Variants in FGF12 observed in about 807,000 individuals in gnomAD.
FGF12 encodes fibroblast growth factor 12B.
A neutral mutation model predicts 23.6 loss-of-function variants in FGF12; 14 were observed. The ratio of observed to expected loss-of-function variants is 0.59; its 90% CI spans 0.39 to 0.93. The LOEUF (loss-of-function observed/expected upper bound fraction) is 0.93. FGF12 is among the 40% of genes least tolerant of loss of function. The pLI is 0.00. For synonymous variants in FGF12, 62 were observed against 77.3 expected, an observed-to-expected ratio of 0.80 and a Z score of 1.04; for missense variants, 175 against 217.8, an observed-to-expected ratio of 0.80 and a Z score of 1.24.
At chr3:192,389,877 C>T (rs1029343447) in intron 2 of FGF12, among the ~76,000 whole-genome samples, 1 of 152,202 alleles carries the variant, frequency 6.6e-6, no homozygotes, top group South Asian at 2.1e-4. Flanking sequence ...AAAGAACTTC[C>T]TTTACTTAAC....
intron 2 of FGF12, among the ~76,000 whole-genome samples, chr3:192,488,165 C>T (rs1045186342): frequency 1.2e-4 from 18 of 152,030 alleles, no homozygotes; most frequent in Non-Finnish European, 1.5e-5. Context: ...TCTATAATAT[C>T]CCTCAGAATA....
chr3:192,724,510 C>T (rs1719147255), intron 2 of FGF12, among the ~76,000 whole-genome samples: 1 of 152,136 alleles, frequency 6.6e-6, no homozygotes, highest in African/African-American at 2.4e-5. Flanking sequence ...AACATTTTAA[C>T]TCATTTAAGA....
chr3:192,656,146 C>CA (rs899242619), intron 2 of FGF12, among the ~76,000 whole-genome samples: 2 of 151,536 alleles, frequency 1.3e-5, no homozygotes, highest in African/African-American at 4.9e-5. Context: ...TACAGCCATC[C>CA]AAAAAATCAG....
At chr3:192,262,475 G>A (rs112912615) in intron 4 of FGF12, among the ~76,000 whole-genome samples, 3 of 152,070 alleles carry the variant, frequency 2.0e-5, no homozygotes, top group South Asian at 2.1e-4. Context: ...GCCACATAAC[G>A]ATGTTTTGGT....
At chr3:192,467,214 C>T (rs1282808287) in intron 2 of FGF12, among the ~76,000 whole-genome samples, 1 of 152,088 alleles carries the variant, frequency 6.6e-6, no homozygotes, top group African/African-American at 2.4e-5. Flanking sequence ...AAATTAATTT[C>T]AACTGCATGG....
intron 2 of FGF12, among the ~76,000 whole-genome samples, chr3:192,406,518 G>T (rs1410837945): frequency 5.9e-5 from 9 of 151,982 alleles, no homozygotes; most frequent in Non-Finnish European, 7.4e-5. Flanking sequence ...TTTCCACTAG[G>T]TGAGTTACTT....
intron 2 of FGF12, among the ~76,000 whole-genome samples, chr3:192,456,117 T>C (rs1048735427): frequency 2.0e-5 from 3 of 152,192 alleles, no homozygotes; most frequent in African/African-American, 7.2e-5. Context: ...ATATGAGAGA[T>C]GATAAAAACA....
chr3:192,312,544 A>C (rs1035020393), intron 4 of FGF12, among the ~76,000 whole-genome samples: 11 of 152,140 alleles, frequency 7.2e-5, no homozygotes, highest in Non-Finnish European at 5.9e-5. Flanking sequence ...CATTTCAATA[A>C]GTAGTACATA....
chr3:192,314,525 G>C (rs551518052), intron 4 of FGF12, among the ~76,000 whole-genome samples: 125 of 152,128 alleles, frequency 8.2e-4, no homozygotes, highest in Non-Finnish European at 1.4e-3. Flanking sequence ...ATGCCAGGAA[G>C]AGAAGTCCAA....
chr3:192,553,935 A>C (rs974482712), intron 2 of FGF12, among the ~76,000 whole-genome samples: 2 of 152,080 alleles, frequency 1.3e-5, no homozygotes, highest in African/African-American at 4.8e-5. Context: ...AAAATTCTAT[A>C]CCCTTCCCCT....
intron 2 of FGF12, among the ~76,000 whole-genome samples, chr3:192,674,861 G>A (rs560105787): frequency 2.7e-4 from 41 of 152,242 alleles, no homozygotes; most frequent in Middle Eastern, 3.4e-3. Flanking sequence ...AGCCCACTGG[G>A]GTTTACAGTT....
At chr3:192,225,041 A>G (rs560149990) in intron 4 of FGF12, among the ~76,000 whole-genome samples, 1 of 152,202 alleles carries the variant, frequency 6.6e-6, no homozygotes, top group African/African-American at 2.4e-5. Context: ...CCACATTTAC[A>G]CAAACACAAG....
At chr3:192,460,778 G>A (rs978879492) in intron 2 of FGF12, among the ~76,000 whole-genome samples, 44 of 150,676 alleles carry the variant, frequency 2.9e-4, no homozygotes, top group Non-Finnish European at 3.0e-5. Context: ...TATTTAATTT[G>A]CTACTTTCAA....
At chr3:192,497,027 A>G (rs1723978325) in intron 2 of FGF12, among the ~76,000 whole-genome samples, 1 of 151,978 alleles carries the variant, frequency 6.6e-6, no homozygotes, top group South Asian at 2.1e-4. Flanking sequence ...TGAATCACAC[A>G]CTCATGTCTC....
chr3:192,501,886 C>T (rs941694454), intron 2 of FGF12, among the ~76,000 whole-genome samples: 1 of 152,150 alleles, frequency 6.6e-6, no homozygotes, highest in Non-Finnish European at 1.5e-5. Flanking sequence ...AGGCTCATTG[C>T]TTGGCACATG....
At chr3:192,519,292 G>C (rs1442386725) in intron 2 of FGF12, among the ~76,000 whole-genome samples, 4 of 152,128 alleles carry the variant, frequency 2.6e-5, no homozygotes, top group African/African-American at 9.7e-5. Flanking sequence ...CTGTCTTTCA[G>C]TACCTTGGCA....
chr3:192,577,182 T>C (rs945513166), intron 2 of FGF12, among the ~76,000 whole-genome samples: 3 of 152,202 alleles, frequency 2.0e-5, no homozygotes, highest in Non-Finnish European at 2.9e-5. Flanking sequence ...TCTGCACATG[T>C]ATCCCAGAAC....
At chr3:192,577,014 C>A (rs1712927662) in intron 2 of FGF12, among the ~76,000 whole-genome samples, 1 of 152,064 alleles carries the variant, frequency 6.6e-6, no homozygotes, top group Non-Finnish European at 1.5e-5. Context: ...AATGAGAACA[C>A]CGGGACACAG....
intron 2 of FGF12, among the ~76,000 whole-genome samples, chr3:192,392,036 A>G (rs1205994717): frequency 6.6e-6 from 1 of 152,122 alleles, no homozygotes; most frequent in African/African-American, 2.4e-5. Flanking sequence ...TTCCAAAGCC[A>G]CTCCCGACTT....
Sources: gnomAD v4.1 joint callset for allele counts (sites outside exome capture counted in the v4.1 genomes callset) on GRCh38, gnomAD v4.1.1 for gene constraint, MANE v1.5 for transcripts, NCBI Gene and HGNC (gene_info 2026-07-23, HGNC 2026-07-21) for gene names.